TFPI: variants seen among roughly 807,000 people sequenced by gnomAD.
TFPI encodes the protein tissue factor pathway inhibitor, also known as anti-convertin.
Under a neutral mutation model 34.6 loss-of-function variants are expected in TFPI, and 15 were observed. The ratio of observed to expected loss-of-function variants is 0.43; its 90% CI spans 0.29 to 0.67. TFPI has a LOEUF of 0.67. TFPI is among the 30% of genes least tolerant of loss of function. The pLI, the probability that TFPI is intolerant of heterozygous loss-of-function variation, is 0.15. For synonymous variants in TFPI, 105 were observed against 120.1 expected (o/e 0.87, Z 0.82); for missense variants, 301 against 364.0 (o/e 0.83, Z 1.41).
chr2:187,478,063 G>C (rs8176533), intron 6 of TFPI, among the ~76,000 whole-genome samples: 1 of 152,090 alleles, frequency 6.6e-6, no homozygotes, highest in Non-Finnish European at 1.5e-5. Context: ...ATATCATAAA[G>C]CTGATGTAGT....
rs553830897 is a variant in TFPI, at chr2:187,499,120, T to C, written c.122-2042A>G. Among the ~76,000 whole-genome samples, 6 of 152,054 alleles carry C rather than the reference T, an allele frequency of 3.9e-5. No individual in the cohort carries two copies. The South Asian group carries it at 1.2e-3, about 32-fold the overall frequency. Reference sequence around the variant, plus strand: ...AACATTGACAAGTTTAAATGTCATTTCTTTTTTTTTTCAAATCCTTTATCT... The same window carrying C: ...AACATTGACAAGTTTAAATGTCATTCCTTTTTTTTTTCAAATCCTTTATCT... On this transcript the variant is annotated intron_variant, in intron 2 of 7. Coordinates refer to ENST00000233156, the MANE Select transcript of TFPI (RefSeq NM_006287.6).
intron 1 of TFPI, among the ~76,000 whole-genome samples, chr2:187,550,947 G>C (rs1215643272): frequency 2.0e-5 from 3 of 152,120 alleles, no homozygotes; most frequent in Non-Finnish European, 4.4e-5. Context: ...GATAGAAATA[G>C]ATAAGGGTCA....
intron 1 of TFPI, among the ~76,000 whole-genome samples, chr2:187,553,659 AGAATTG>A (rs1689173669): frequency 1.3e-5 from 2 of 152,174 alleles, no homozygotes; most frequent in African/African-American, 4.8e-5. Context: ...TGGTCTTTGG[AGAATTG>A]TAAAATATTT....
At chr2:187,468,258 GACAC>G (rs61019402) in intron 6 of TFPI, among the ~76,000 whole-genome samples, 14,354 of 146,970 alleles carry the variant, frequency 0.098, 841 homozygotes, top group East Asian at 0.21. Flanking sequence ...ATTTCTTACA[GACAC>G]ACACACACAC....
chr2:187,553,216 A>G (rs1480024111), intron 1 of TFPI, among the ~76,000 whole-genome samples: 1 of 152,060 alleles, frequency 6.6e-6, no homozygotes, highest in Non-Finnish European at 1.5e-5. Context: ...TCATGTAAAT[A>G]TTATGCTTTT....
intron 6 of TFPI, among the ~76,000 whole-genome samples, chr2:187,470,459 G>A (rs1167897922): frequency 2.0e-5 from 3 of 152,168 alleles, no homozygotes; most frequent in Non-Finnish European, 4.4e-5. Context: ...ACAGTCCCTA[G>A]ATTGGACGTA....
chr2:187,478,124 T>C (rs944669757), intron 6 of TFPI, among the ~76,000 whole-genome samples: 4 of 152,126 alleles, frequency 2.6e-5, no homozygotes, highest in Non-Finnish European at 5.9e-5. Flanking sequence ...GAGTAGCTCA[T>C]GCCTGTAATC....
chr2:187,503,179 A>G (rs1685965203), intron 2 of TFPI, among the ~76,000 whole-genome samples: 1 of 151,972 alleles, frequency 6.6e-6, no homozygotes, highest in Non-Finnish European at 1.5e-5. Flanking sequence ...CTGGTTGACT[A>G]GATTTTTATA....
intron 1 of TFPI, among the ~76,000 whole-genome samples, chr2:187,507,994 G>A (rs1686346282): frequency 6.6e-6 from 1 of 152,146 alleles, no homozygotes; most frequent in African/African-American, 2.4e-5. Flanking sequence ...TGCATTAGGT[G>A]TAAAGAAGAG....
At chr2:187,472,058 G>A (rs1056411547) in intron 6 of TFPI, among the ~76,000 whole-genome samples, 1 of 151,728 alleles carries the variant, frequency 6.6e-6, no homozygotes, top group Non-Finnish European at 1.5e-5. Context: ...TAATATAAAA[G>A]TATAACAAAT....
chr2:187,496,825 A>T, intron 3 of TFPI, 56 bp downstream of exon 3: 1 of 1,455,476 alleles, frequency 6.9e-7, no homozygotes. Flanking sequence ...TCAAATCCAT[A>T]ATTAGACTCA....
In TFPI at chr2:187,551,573, C is replaced by G. The variant is rs115370509; in HGVS notation, c.-3+2627G>C. 6.7e-3 allele frequency among the ~76,000 whole-genome samples: 1,011 copies of G among 152,026 alleles called. 8 individuals carry two copies. Among genetic ancestry groups the G allele is most frequent in the African/African-American group, 0.023 (963 of 41,488 alleles). ...AAAGGTAATGGGAAGACTGGGCCCCCGGAATTGATACATAACACCAAGAAA... is the reference window on the plus strand; with the variant it reads ...AAAGGTAATGGGAAGACTGGGCCCCGGGAATTGATACATAACACCAAGAAA... On this transcript the variant is annotated intron_variant, in intron 1 of 7. Coordinates refer to ENST00000233156, the MANE Select transcript of TFPI (RefSeq NM_006287.6).
intron 1 of TFPI, among the ~76,000 whole-genome samples, chr2:187,549,167 T>C (rs1689005591): frequency 6.6e-6 from 1 of 152,112 alleles, no homozygotes; most frequent in South Asian, 2.1e-4. Flanking sequence ...ATTCCAGTGC[T>C]AATATAAATT....
chr2:187,520,668 A>G (rs1473417557), intron 1 of TFPI: 1 of 152,112 alleles, frequency 6.6e-6, no homozygotes, highest in East Asian at 1.9e-4. Context: ...AGAATGGAGA[A>G]TTATGGTCCC....
At chr2:187,493,612 T>A (rs977892323) in intron 3 of TFPI, among the ~76,000 whole-genome samples, 2 of 152,228 alleles carry the variant, frequency 1.3e-5, no homozygotes, top group Non-Finnish European at 2.9e-5. Flanking sequence ...TCTGTTTCTC[T>A]TTTGAAACTG....
intron 3 of TFPI, among the ~76,000 whole-genome samples, chr2:187,489,880 G>C (rs921891248): frequency 6.6e-6 from 1 of 151,400 alleles, no homozygotes; most frequent in African/African-American, 2.4e-5. Flanking sequence ...GTATGAAAGC[G>C]ATTAATAGTT....
At chr2:187,521,578 C>CT (rs1344805147) in intron 1 of TFPI, among the ~76,000 whole-genome samples, 2 of 151,690 alleles carry the variant, frequency 1.3e-5, no homozygotes, top group African/African-American at 4.9e-5. Context: ...ATTTCAATTT[C>CT]TTTTTTTTGA....
At chr2:187,517,133 T>G (rs1049514069) in intron 1 of TFPI, 2 of 152,250 alleles carry the variant, frequency 1.3e-5, no homozygotes, top group Non-Finnish European at 2.9e-5. Flanking sequence ...ACACGTTTTC[T>G]TCGCAGCACC....
At chr2:187,529,810 A>G (rs774236712) in intron 1 of TFPI, among the ~76,000 whole-genome samples, 2 of 152,174 alleles carry the variant, frequency 1.3e-5, no homozygotes, top group Admixed American at 6.5e-5. Flanking sequence ...CTAATGTGCA[A>G]TTCAATTCTT....
Sources: allele counts gnomAD v4.1 joint callset (sites outside exome capture counted in the v4.1 genomes callset), GRCh38; gene constraint gnomAD v4.1.1; transcripts MANE v1.5; gene names NCBI Gene and HGNC (gene_info 2026-07-23, HGNC 2026-07-21).